Variants in ATAD3C observed in about 807,000 individuals in gnomAD.
ATAD3C encodes ATPase family AAA domain containing 3C.
In ATAD3C, 38 loss-of-function variants were observed where a neutral mutation model predicts 46.3. The ratio of observed to expected loss-of-function variants is 0.82; its 90% CI spans 0.63 to 1.08. ATAD3C has a LOEUF of 1.08. ATAD3C is among the 50% of genes least tolerant of loss of function. The probability of loss-of-function intolerance (pLI) is 0.00; values close to 1 mark genes in which losing one functional copy is unlikely to be tolerated. For synonymous variants in ATAD3C, 220 were observed against 236.4 expected, an observed-to-expected ratio of 0.93 and a Z score of 0.63; for missense variants, 563 against 572.7, an observed-to-expected ratio of 0.98 and a Z score of 0.17.
chr1:1,458,065 G>A (rs761351498), intron 8 of ATAD3C, among the ~76,000 whole-genome samples: 4 of 151,770 alleles, frequency 2.6e-5, no homozygotes, highest in East Asian at 1.9e-4. Flanking sequence ...TGCAACCTCC[G>A]CCTCCTGGGT....
In ATAD3C at chr1:1,452,140, C is replaced by G. The variant is rs1638871394; in HGVS notation, c.152+18C>G. On this transcript the variant is annotated intron_variant, in intron 2 of 11. Coordinates refer to ENST00000378785, the MANE Select transcript of ATAD3C (RefSeq NM_001039211.3). ...TCCATCAGGTGAGCGCTGCCGAGGC[C>G]CGGGCCGGCCGCAGATGGAGCCCCC... 1.2e-6 allele frequency: 2 copies of G among 1,611,874 alleles called. No homozygotes were observed. Among genetic ancestry groups the G allele is most frequent in the Non-Finnish European group, 1.7e-6 (2 of 1,178,818 alleles).
intron 10 of ATAD3C, 100 bp downstream of exon 10, chr1:1,461,017 A>G: frequency 2.2e-6 from 3 of 1,384,020 alleles, no homozygotes; most frequent in East Asian, 2.6e-5. Context: ...TGTCTCCAGG[A>G]TGGGCACCAC....
At position 1,460,872 on chromosome 1, in the gene ATAD3C, T is replaced by C. The variant is rs1052773065; in HGVS notation, c.935T>C (p.Met312Thr). The change falls in exon 10 of 12, where the codon ATG becomes ACG. Residue 312 changes from methionine to threonine, a missense_variant. By Grantham distance (81) the Met-to-Thr change is moderately conservative (BLOSUM62 -1). Coordinates refer to ENST00000378785, the MANE Select transcript of ATAD3C (RefSeq NM_001039211.3). The stretch of plus-strand genomic sequence containing the variant: ...GAGGAGCGGGCGCGCCTGGTGAGAA[T>C]GTATCTTAACGAGTATGTTCTTAAG... ...GQEERARLVR[M>T]YLNEYVLKPA... 1 of 1,612,930 alleles carries C rather than the reference T, an allele frequency of 6.2e-7. No homozygotes were observed. The highest frequency in any genetic ancestry group is 2.2e-5 in the East Asian group (1 of 44,838).
At chr1:1,451,349 T>TA (rs1557775692) in intron 1 of ATAD3C, among the ~76,000 whole-genome samples, 1 of 149,296 alleles carries the variant, frequency 6.7e-6, no homozygotes, top group African/African-American at 2.5e-5. Context: ...CAAGATTTTT[T>TA]AATTTTATTT....
Position 1,468,372 on chromosome 1 carries a change from T to C in ATAD3C, c.1090-12T>C, listed in dbSNP as rs1044065599. The C allele has an allele frequency of 1.9e-6, 3 of 1,598,740 alleles. No individual in the cohort carries two copies. Among genetic ancestry groups the C allele is most frequent in the Admixed American group, 3.6e-5 (2 of 55,818 alleles). ...CATGGCGGCCTCCCTCAGCTCCCTC[T>C]CTCCCCACTAGGCCACGGCGTATGC... On this transcript the variant is annotated splice_polypyrimidine_tract_variant and intron_variant, in intron 11 of 11. Coordinates refer to ENST00000378785, the MANE Select transcript of ATAD3C (RefSeq NM_001039211.3).
At position 1,456,009 on chromosome 1, in the gene ATAD3C, C is replaced by T. The variant is rs1638955234; in HGVS notation, c.564+93C>T. 16 of 1,585,284 alleles carry T rather than the reference C, an allele frequency of 1.0e-5. No homozygotes were observed. In the South Asian group the frequency reaches 1.5e-4, roughly 15 times the overall value. On this transcript the variant is annotated intron_variant, in intron 6 of 11. Transcript: ENST00000378785. ...GGGGCTCAGCTGCCTGGGGAATGGACCCCCCTTAGGCCTTTGCCCACCCTC... is the reference window on the plus strand; with the variant it reads ...GGGGCTCAGCTGCCTGGGGAATGGATCCCCCTTAGGCCTTTGCCCACCCTC...
At chr1:1,461,576 G>T (rs959819016) in intron 10 of ATAD3C, among the ~76,000 whole-genome samples, 1 of 152,068 alleles carries the variant, frequency 6.6e-6, no homozygotes, top group African/African-American at 2.4e-5. Context: ...GGGAGGTGAC[G>T]TGGAGTGTTG....
intron 10 of ATAD3C, 123 bp downstream of exon 10, chr1:1,461,040 C>A: frequency 1.6e-6 from 2 of 1,268,624 alleles, no homozygotes; most frequent in Non-Finnish European, 1.0e-6. Context: ...CCCTGCCCTG[C>A]GGTTTCGTGC....
In ATAD3C at chr1:1,455,990, C is replaced by T. The variant is rs1037563083; in HGVS notation, c.564+74C>T. 7.5e-6 allele frequency: 12 copies of T among 1,599,704 alleles called. No individual in the cohort carries two copies. In the Admixed American group the frequency reaches 2.0e-4, roughly 26 times the overall value. On this transcript the variant is annotated intron_variant, in intron 6 of 11. Transcript: ENST00000378785. ...CCTGCCTGCAGGTGTCTGGGGGGCTCAGCTGCCTGGGGAATGGACCCCCCT... is the reference window on the plus strand; with the variant it reads ...CCTGCCTGCAGGTGTCTGGGGGGCTTAGCTGCCTGGGGAATGGACCCCCCT...
intron 10 of ATAD3C, among the ~76,000 whole-genome samples, chr1:1,461,825 C>T (rs1639073343): frequency 6.6e-6 from 1 of 152,092 alleles, no homozygotes; most frequent in Non-Finnish European, 1.5e-5. Flanking sequence ...CCTGCAGCTG[C>T]CACACCCGGC....
Position 1,460,921 on chromosome 1 carries a change from A to C in ATAD3C, c.980+4A>C, listed in dbSNP as rs764936936. On this transcript the variant is annotated splice_donor_region_variant and intron_variant, in intron 10 of 11. Coordinates refer to ENST00000378785, the MANE Select transcript of ATAD3C (RefSeq NM_001039211.3). ...AGCCGGCCACAGAAGGAAAGCGGTA[A>C]GTGTCCCGCCCCACCAGCCCCCGTC... The C allele has an allele frequency of 6.2e-7, 1 of 1,602,730 alleles. No individual in the cohort carries two copies. Among genetic ancestry groups the C allele is most frequent in the Non-Finnish European group, 8.5e-7 (1 of 1,173,768 alleles).
intron 11 of ATAD3C, among the ~76,000 whole-genome samples, chr1:1,464,574 C>T (rs747910016): frequency 6.6e-6 from 1 of 151,848 alleles, no homozygotes; most frequent in Non-Finnish European, 1.5e-5. Flanking sequence ...AGTTCAAGAC[C>T]AGCCTGGCCA....
chr1:1,466,502 G>C (rs552019130), intron 11 of ATAD3C, among the ~76,000 whole-genome samples: 1 of 140,618 alleles, frequency 7.1e-6, no homozygotes, highest in Admixed American at 7.5e-5. Flanking sequence ...GCAGTGAGCC[G>C]AGATGCCTGG....
chr1:1,462,456 G>A lies in ATAD3C; in HGVS notation c.981-144G>A. ...AGGCCTGGCTTGCGTCAGGAAGGGG[G>A]CGGAACTTGGCTGTCACAGGTAGAG... On this transcript the variant is annotated intron_variant, in intron 10 of 11. Transcript: ENST00000378785. This position sits in a 1 kb window ranked among gnomAD's most constrained non-coding sequence, Gnocchi z 4.5. The A allele has an allele frequency of 1.1e-6, 1 of 879,800 alleles. No individual in the cohort carries two copies. Among genetic ancestry groups the A allele is most frequent in the Non-Finnish European group, 1.8e-6 (1 of 561,286 alleles). 54.5% of individuals were successfully genotyped at this position (879,800 alleles called of 1,614,324 possible).
chr1:1,455,439 G>C, intron 4 of ATAD3C, 21 bp from the exon 5 acceptor site: 3 of 1,610,554 alleles, frequency 1.9e-6, no homozygotes, highest in Non-Finnish European at 2.5e-6. Flanking sequence ...TGACCCAATG[G>C]TGCTTCCCCT....
chr1:1,458,733 T>C (rs1557779142), intron 8 of ATAD3C, among the ~76,000 whole-genome samples: 2 of 150,720 alleles, frequency 1.3e-5, no homozygotes, highest in Admixed American at 1.3e-4. Flanking sequence ...AGGGTTTGTT[T>C]TTTTTTTTTG....
rs765633868 is a variant in ATAD3C, at chr1:1,468,337, G to C, written c.1090-47G>C. 4 of 1,576,510 alleles carry C rather than the reference G, an allele frequency of 2.5e-6. No individual in the cohort carries two copies. In the African/African-American group the frequency reaches 5.5e-5, roughly 22 times the overall value. On this transcript the variant is annotated intron_variant, in intron 11 of 11. Coordinates refer to ENST00000378785, the MANE Select transcript of ATAD3C (RefSeq NM_001039211.3). ...CAGGGCCCTGGCGTGCATTTGGGGT[G>C]GGGGGTTCCCATGGCGGCCTCCCTC...
At chr1:1,452,260 C>A in intron 2 of ATAD3C, 105 bp from the exon 3 acceptor site, 1 of 1,592,956 alleles carries the variant, frequency 6.3e-7, no homozygotes, top group Non-Finnish European at 8.6e-7. Context: ...CCCCCCTGTC[C>A]TGGCAGGACC....
At chr1:1,454,261 G>T in intron 3 of ATAD3C, 84 bp from the exon 4 acceptor site, 1 of 1,499,674 alleles carries the variant, frequency 6.7e-7, no homozygotes, top group East Asian at 2.5e-5. Flanking sequence ...GGCGGAGAGA[G>T]GGTGGGGGCA....
Sources: allele counts gnomAD v4.1 joint callset (sites outside exome capture counted in the v4.1 genomes callset), GRCh38; gene constraint gnomAD v4.1.1; non-coding constraint Gnocchi (gnomAD v3.1); transcripts MANE v1.5; gene names NCBI Gene and HGNC (gene_info 2026-07-23, HGNC 2026-07-21).